Variants in NELFA observed in about 807,000 individuals in gnomAD.
The protein encoded by NELFA is negative elongation factor A.
A neutral mutation model predicts 51.8 loss-of-function variants in NELFA; 35 were observed. The observed-to-expected ratio is 0.68, with a 90% CI of 0.52 to 0.90. The LOEUF (loss-of-function observed/expected upper bound fraction) is 0.90, where lower values mean the gene tolerates loss of function less well. Ranked by LOEUF, NELFA falls within the 40% of genes least tolerant of loss-of-function variation. The probability of loss-of-function intolerance (pLI) is 0.00; values close to 1 mark genes in which losing one functional copy is unlikely to be tolerated. For synonymous variants in NELFA, 417 were observed against 338.4 expected (o/e 1.23, Z -2.55); for missense variants, 658 against 746.4 (o/e 0.88, Z 1.38).
intron 2 of NELFA, among the ~76,000 whole-genome samples, chr4:1,990,862 G>A (rs1411096080): frequency 5.3e-5 from 8 of 152,194 alleles, no homozygotes; most frequent in African/African-American, 9.6e-5. Flanking sequence ...GTGCAGTGGC[G>A]CGATCATGGC....
At chr4:1,992,060 C>G (rs775420057) in intron 1 of NELFA, 7 of 233,652 alleles carry the variant, frequency 3.0e-5, no homozygotes, top group Admixed American at 2.1e-4. Flanking sequence ...CCACTGCTCC[C>G]GCAGAAAGCC....
At position 1,983,775 on chromosome 4, in the gene NELFA, C is replaced by T. The variant is rs532637173; in HGVS notation, c.1302+73G>A. The T allele has an allele frequency of 4.3e-4, 688 of 1,596,266 alleles. 10 individuals carry two copies. The South Asian group carries it at 7.4e-3, about 17-fold the overall frequency. On this transcript the variant is annotated intron_variant, in intron 9 of 10. Transcript: ENST00000382882. Reference sequence around the variant, plus strand: ...ATCCCCCTGCAGGCACCGTGGCACCCCCACGCTAGGGGAGGTGGCCAGGGC... The same window carrying T: ...ATCCCCCTGCAGGCACCGTGGCACCTCCACGCTAGGGGAGGTGGCCAGGGC...
At chr4:1,984,244 C>G (rs992676428) in intron 8 of NELFA, 131 bp from the exon 9 acceptor site, 5 of 1,189,398 alleles carry the variant, frequency 4.2e-6, no homozygotes, top group Non-Finnish European at 5.6e-6. Context: ...TCCCTGTGGC[C>G]CCCAGCCAAG....
chr4:1,993,842 C>G (rs1728351742), intron 1 of NELFA, among the ~76,000 whole-genome samples: 1 of 149,916 alleles, frequency 6.7e-6, no homozygotes, highest in African/African-American at 2.5e-5. Flanking sequence ...TTGTCGTCGC[C>G]CGGGCTGGAG....
intron 1 of NELFA, among the ~76,000 whole-genome samples, chr4:2,001,877 T>G (rs1309042134): frequency 6.7e-6 from 1 of 148,694 alleles, no homozygotes; most frequent in Non-Finnish European, 1.5e-5. Flanking sequence ...CACTCCAGCC[T>G]GGCCGACAGA....
chr4:1,989,933 C>T lies in NELFA; in HGVS notation c.383-64G>A. 6.4e-7 allele frequency: 1 copy of T among 1,564,072 alleles called. No homozygotes were observed. Among genetic ancestry groups the T allele is most frequent in the East Asian group, 2.2e-5 (1 of 44,510 alleles). ...CCGCAGACCTCCCGGCTGAGAGGAG[C>T]TGGCGGCTGCCCAGCCCCACACCCT... On this transcript the variant is annotated intron_variant, in intron 2 of 10. Coordinates refer to ENST00000382882, the MANE Select transcript of NELFA (RefSeq NM_005663.5). The surrounding 1 kb of genome is among the most constrained non-coding windows in gnomAD (Gnocchi z 4.8).
At chr4:1,991,827 C>T in intron 1 of NELFA, 112 bp from the exon 2 acceptor site, 1 of 1,128,170 alleles carries the variant, frequency 8.9e-7, no homozygotes, top group South Asian at 1.5e-5. Context: ...TGGCAGTTGC[C>T]CCCAACACTT....
chr4:1,987,334 TG>T (rs1728135247), intron 4 of NELFA, among the ~76,000 whole-genome samples: 1 of 152,190 alleles, frequency 6.6e-6, no homozygotes, highest in African/African-American at 2.4e-5. Flanking sequence ...GGGGTGAGTA[TG>T]CCCTGCCATG....
At chr4:1,992,665 C>T in intron 1 of NELFA, 1 of 211,898 alleles carries the variant, frequency 4.7e-6, no homozygotes, top group South Asian at 4.6e-5. Flanking sequence ...ACCCGTCCTA[C>T]GAGGGCTGCG....
chr4:2,007,064 C>G (rs1362654491), intron 1 of NELFA: 1 of 332,774 alleles, frequency 3.0e-6, no homozygotes, highest in East Asian at 9.9e-5. Context: ...TCAAGACCAG[C>G]CTGGGCAGCA....
At chr4:2,006,109 A>G (rs1728702908) in intron 1 of NELFA, among the ~76,000 whole-genome samples, 1 of 152,260 alleles carries the variant, frequency 6.6e-6, no homozygotes, top group South Asian at 2.1e-4. Flanking sequence ...TAAAGTGACA[A>G]GAACCGACTT....
At chr4:1,996,242 C>G (rs1728419214) in intron 1 of NELFA, among the ~76,000 whole-genome samples, 1 of 152,140 alleles carries the variant, frequency 6.6e-6, no homozygotes, top group Admixed American at 6.5e-5. Flanking sequence ...AACTATCTTC[C>G]CCTCCAATGT....
Position 1,983,997 on chromosome 4 carries a change from T to G in NELFA, c.1153A>C (p.Thr385Pro). 6.2e-7 allele frequency: 1 copy of G among 1,609,564 alleles called. No individual in the cohort carries two copies. The highest frequency in any genetic ancestry group is 8.5e-7 in the Non-Finnish European group (1 of 1,179,632). Residue 385 changes from threonine to proline, a missense_variant, in exon 9 of 11, where the codon ACA (threonine) becomes CCA (proline). Coordinates refer to ENST00000382882, the MANE Select transcript of NELFA (RefSeq NM_005663.5). ...GAGGTGGGCGCCGCAGGCGTGGGTG[T>G]GGCAGGGCTCAGGCCGCTGTTGTAC... The part of the protein sequence containing the change: ...PMYNSGLSPA[T>P]PTPAAPTSPL...
In NELFA at chr4:1,985,023, C is replaced by G. The variant is rs376745306; in HGVS notation, c.925-104G>C. On this transcript the variant is annotated intron_variant, in intron 7 of 10. Coordinates refer to ENST00000382882, the MANE Select transcript of NELFA (RefSeq NM_005663.5). ...TCCACTGCCACAGGCTGTGGCCCCC[C>G]GAGCTAGAGCAGGAAGGCGGGGGCC... 1.6e-3 allele frequency: 1,315 copies of G among 805,912 alleles called. 16 individuals carry two copies. In the African/African-American group the frequency reaches 0.02, roughly 12 times the overall value. The allele number at this position is 805,912 out of a possible 1,614,324, so 49.9% of individuals were successfully genotyped here.
rs778807678 is a variant in NELFA at position 1,991,553 on chromosome 4, T to C, written c.373A>G (p.Arg125Gly). The C allele has an allele frequency of 6.2e-7, 1 of 1,613,988 alleles. No individual in the cohort carries two copies. Residue 125 changes from arginine (R) to glycine (G), a missense_variant, in exon 2 of 11, where the codon AGA becomes GGA. By Grantham distance (125) the Arg-to-Gly change is moderately radical (BLOSUM62 -2). Around this residue, in one of 3 missense-constraint regions of NELFA, gnomAD observed 371 missense variants for 448.3 expected, o/e 0.83. Transcript: ENST00000382882. Reference sequence around the variant, plus strand: ...AAGCAGCACAACATACCCTTTTCTCTAAGTTCTCCCAAAATATCCTGAACG... The same window carrying C: ...AAGCAGCACAACATACCCTTTTCTCCAAGTTCTCCCAAAATATCCTGAACG... ...PNVQDILGEL[R>G]EKVGECEASA...
intron 5 of NELFA, 44 bp downstream of exon 5, chr4:1,986,228 G>A (rs777778901): frequency 1.3e-5 from 20 of 1,562,916 alleles, no homozygotes; most frequent in South Asian, 3.5e-5. Flanking sequence ...GCACCAGGGC[G>A]CAACGGGCCC....
At position 1,983,828 on chromosome 4, in the gene NELFA, C is replaced by T; in HGVS notation, c.1302+20G>A. 6.4e-7 allele frequency: 1 copy of T among 1,570,460 alleles called. No individual in the cohort carries two copies. The highest frequency in any genetic ancestry group is 8.6e-7 in the Non-Finnish European group (1 of 1,157,018). ...TACCACCTACCTGGTGGCCTGTGGG[C>T]CCTACCAGTGTACACCTACCGTGAG... On this transcript the variant is annotated intron_variant, in intron 9 of 10. Coordinates refer to ENST00000382882, the MANE Select transcript of NELFA (RefSeq NM_005663.5).
At position 1,991,674 on chromosome 4, in the gene NELFA, G is replaced by A. The variant is rs374092271; in HGVS notation, c.252C>T (p.Leu84=). 35 of 1,611,994 alleles carry A rather than the reference G, an allele frequency of 2.2e-5. No homozygotes were observed. The South Asian group carries it at 2.3e-4, about 11-fold the overall frequency. ...ALMEIIQLAS[L]DSDPWVLMVA... ...CCATGAGCACCCAGGGGTCCGAGTCGAGGCTGGCGAGCTGGATGATCTCCA... is the reference window on the plus strand; with the variant it reads ...CCATGAGCACCCAGGGGTCCGAGTCAAGGCTGGCGAGCTGGATGATCTCCA... Residue 84 remains leucine, a synonymous_variant, in exon 2 of 11, where the codon CTC becomes CTT. Coordinates refer to ENST00000382882, the MANE Select transcript of NELFA (RefSeq NM_005663.5).
At chr4:2,005,585 G>C (rs750047113) in intron 1 of NELFA, among the ~76,000 whole-genome samples, 8 of 152,114 alleles carry the variant, frequency 5.3e-5, no homozygotes, top group East Asian at 1.9e-4. Flanking sequence ...CCAGTTACTC[G>C]GGAAGCTAAG....
Sources: allele counts gnomAD v4.1 joint callset (sites outside exome capture counted in the v4.1 genomes callset), GRCh38; gene constraint gnomAD v4.1.1; regional missense constraint gnomAD v4.1.1; non-coding constraint Gnocchi (gnomAD v3.1); transcripts MANE v1.5; gene names NCBI Gene and HGNC (gene_info 2026-07-23, HGNC 2026-07-21).